Variants in PCK1 observed in about 807,000 individuals in gnomAD.
The protein encoded by PCK1 is phosphoenolpyruvate carboxykinase 1, also known as phosphoenolpyruvate carboxykinase, cytosolic [GTP].
PCK1 carries 44 observed loss-of-function variants against 50.3 expected under a neutral mutation model. The ratio of observed to expected loss-of-function variants is 0.87; its 90% confidence interval spans 0.69 to 1.12. The LOEUF (loss-of-function observed/expected upper bound fraction) is 1.12. PCK1 is among the 50% of genes most tolerant of loss of function. The pLI, the probability that PCK1 is intolerant of heterozygous loss-of-function variation, is 0.00. For missense variants in PCK1, 790 were observed against 815.0 expected (o/e 0.97, Z 0.37); for synonymous variants, 332 against 314.3 (o/e 1.06, Z -0.59).
Position 57,563,175 on chromosome 20 carries a change from G to A in PCK1, c.758G>A (p.Arg253Gln), listed in dbSNP as rs771938481. The change falls in exon 5 of 10, where the codon CGG becomes CAG. Residue 253 changes from arginine to glutamine, a missense_variant. Coordinates refer to ENST00000319441, the MANE Select transcript of PCK1 (RefSeq NM_002591.4). Reference sequence around the variant, plus strand: ...TGCTTTGCTCTCAGGATGGCCAGCCGGCTGGCCAAGGAGGAAGGGTGGCTG... The same window carrying A: ...TGCTTTGCTCTCAGGATGGCCAGCCAGCTGGCCAAGGAGGAAGGGTGGCTG... ...KKCFALRMAS[R>Q]LAKEEGWLAE... is the part of the protein sequence containing the mutation. The A allele has an allele frequency of 6.8e-6, 11 of 1,613,622 alleles. No homozygotes were observed. Among genetic ancestry groups the A allele is most frequent in the East Asian group, 4.5e-5 (2 of 44,876 alleles).
rs28359544 is a variant in PCK1 at position 57,563,122 on chromosome 20, C to T, written c.705C>T (p.Tyr235=). The part of the protein sequence containing the change: ...RREIISFGSG[Y]GGNSLLGKKC... ...AGATCATCTCCTTTGGCAGTGGGTA[C>T]GGCGGGAACTCGCTGCTCGGGAAGA... Residue 235 remains tyrosine (Y), a synonymous_variant, in exon 5 of 10, where the codon TAC becomes TAT. Coordinates refer to ENST00000319441, the MANE Select transcript of PCK1 (RefSeq NM_002591.4). 57,256 of 1,613,880 alleles carry T rather than the reference C, an allele frequency of 0.035. 1,239 individuals carry two copies. Among genetic ancestry groups the T allele is most frequent in the Non-Finnish European group, 0.042 (49,908 of 1,179,952 alleles).
At chr20:57,563,279 A>G in intron 5 of PCK1, 64 bp downstream of exon 5, 1 of 1,459,776 alleles carries the variant, frequency 6.9e-7, no homozygotes, top group Non-Finnish European at 9.5e-7. Flanking sequence ...AACAAACAGC[A>G]TTACAGTTCC....
intron 3 of PCK1, chr20:57,562,466 T>C: frequency 1.6e-6 from 1 of 624,792 alleles, no homozygotes; most frequent in Non-Finnish European, 2.8e-6. Flanking sequence ...TCCATGCATA[T>C]GGGTTTTAAA....
At chr20:57,563,420 T>C (rs2070171494) in intron 5 of PCK1, 145 bp from the exon 6 acceptor site, 1 of 695,574 alleles carries the variant, frequency 1.4e-6, no homozygotes, top group African/African-American at 1.8e-5. Context: ...AGAGATCCTT[T>C]GGACTTCATG....
At chr20:57,565,231 G>A in intron 9 of PCK1, 96 bp downstream of exon 9, 6 of 1,232,540 alleles carry the variant, frequency 4.9e-6, no homozygotes, top group Non-Finnish European at 5.9e-6. Context: ...CTGTGTGTGG[G>A]GAGAGAGAGA....
At position 57,565,458 on chromosome 20, in the gene PCK1, T is replaced by A. The variant is rs1309774756; in HGVS notation, c.1523T>A (p.Leu508Gln). 6.2e-7 allele frequency: 1 copy of A among 1,614,212 alleles called. No homozygotes were observed. The change falls in exon 10 of 10, where the codon CTG becomes CAG. Residue 508 changes from leucine to glutamine, a missense_variant. Transcript: ENST00000319441. ...ATGGCCCAGCACCCAGCAGCCAAAC[T>A]GCCCAAGATCTTCCATGTCAACTGG... ...LSMAQHPAAKLPKIFHVNWFR... is the reference protein window; with the variant it reads ...LSMAQHPAAKQPKIFHVNWFR...
chr20:57,563,172 G>A lies in PCK1; in HGVS notation c.755G>A (p.Ser252Asn). 3 of 1,613,752 alleles carry A rather than the reference G, an allele frequency of 1.9e-6. No homozygotes were observed. The highest frequency in any genetic ancestry group is 2.2e-5 in the South Asian group (2 of 91,090). The change falls in exon 5 of 10, where the codon AGC becomes AAC. Residue 252 changes from serine to asparagine, a missense_variant. Ser to Asn is a conservative substitution (Grantham distance 46). Coordinates refer to ENST00000319441, the MANE Select transcript of PCK1 (RefSeq NM_002591.4). The stretch of plus-strand genomic sequence containing the variant: ...AAGTGCTTTGCTCTCAGGATGGCCA[G>A]CCGGCTGGCCAAGGAGGAAGGGTGG... ...GKKCFALRMA[S>N]RLAKEEGWLA...
intron 1 of PCK1, 41 bp from the exon 2 acceptor site, chr20:57,561,331 G>A (rs888501007): frequency 8.2e-6 from 7 of 855,788 alleles, no homozygotes; most frequent in Non-Finnish European, 1.3e-5. Context: ...GAAGGTGTCT[G>A]TTGTTGTTTT....
rs932743999 is a variant in PCK1, at chr20:57,566,854, A to C, written c.*1050A>C. 7.9e-5 allele frequency: 12 copies of C among 152,220 alleles called. No homozygotes were observed. The highest frequency in any genetic ancestry group is 2.9e-4 in the African/African-American group (12 of 41,456). 9.4% of individuals were successfully genotyped at this position (152,220 alleles called of 1,614,324 possible). On this transcript the variant is annotated 3_prime_UTR_variant, in exon 10 of 10. Coordinates refer to ENST00000319441, the MANE Select transcript of PCK1 (RefSeq NM_002591.4). ...AGGATTTTGCCTTTTAACTCTTCAA[A>C]GCAACAGTTTTCTCAACTGTCATCC...
Position 57,565,981 on chromosome 20 carries a change from G to A in PCK1, c.*177G>A. The A allele has an allele frequency of 5.7e-6, 3 of 529,762 alleles. No homozygotes were observed. The highest frequency in any genetic ancestry group is 9.9e-6 in the Non-Finnish European group (3 of 303,928). 32.8% of individuals were successfully genotyped at this position (529,762 alleles called of 1,614,324 possible). ...TTAAGGATAAGAACCACAGAACACT[G>A]GGTAGTAGCTAATGAAATTGAGAAG... On this transcript the variant is annotated 3_prime_UTR_variant, in exon 10 of 10. Coordinates refer to ENST00000319441, the MANE Select transcript of PCK1 (RefSeq NM_002591.4).
intron 6 of PCK1, chr20:57,563,940 C>T: frequency 1.6e-6 from 1 of 611,908 alleles, no homozygotes; most frequent in South Asian, 2.1e-5. Context: ...TGTTTGTTTA[C>T]ATACATACAT....
intron 8 of PCK1, 182 bp downstream of exon 8, chr20:57,564,795 C>T (rs2070187488): frequency 1.6e-6 from 1 of 640,074 alleles, no homozygotes; most frequent in Non-Finnish European, 2.7e-6. Context: ...CTTCTGGTCA[C>T]CTGGAACCTT....
chr20:57,563,184 A>G lies in PCK1; in HGVS notation c.767A>G (p.Lys256Arg). The G allele has an allele frequency of 6.2e-7, 1 of 1,613,816 alleles. No individual in the cohort carries two copies. ...FALRMASRLA[K>R]EEGWLAEHML... Reference sequence around the variant, plus strand: ...CTCAGGATGGCCAGCCGGCTGGCCAAGGAGGAAGGGTGGCTGGCAGAGCAC... The same window carrying G: ...CTCAGGATGGCCAGCCGGCTGGCCAGGGAGGAAGGGTGGCTGGCAGAGCAC... Residue 256 changes from lysine (K) to arginine (R), a missense_variant, in exon 5 of 10, where the codon AAG becomes AGG. Coordinates refer to ENST00000319441, the MANE Select transcript of PCK1 (RefSeq NM_002591.4).
chr20:57,561,504 C>T lies in PCK1; in HGVS notation c.93C>T (p.Leu31=), dbSNP rs771247225. Reference sequence around the variant, plus strand: ...TACCCCAGGCAGTGAGGGAGTTTCTCGAGAATAACGCTGAGCTGTGTCAGC... The same window carrying T: ...TACCCCAGGCAGTGAGGGAGTTTCTTGAGAATAACGCTGAGCTGTGTCAGC... ...DSLPQAVREF[L]ENNAELCQPD... Residue 31 remains leucine (L), a synonymous_variant, in exon 2 of 10, where the codon CTC becomes CTT. Transcript: ENST00000319441. 19 of 1,613,620 alleles carry T rather than the reference C, an allele frequency of 1.2e-5. No individual in the cohort carries two copies. Among genetic ancestry groups the T allele is most frequent in the East Asian group, 6.7e-5 (3 of 44,872 alleles).
In PCK1 at chr20:57,562,834, A is replaced by G. The variant is rs1568908556; in HGVS notation, c.545A>G (p.Glu182Gly). 2 of 1,613,984 alleles carry G rather than the reference A, an allele frequency of 1.2e-6. No individual in the cohort carries two copies. Among genetic ancestry groups the G allele is most frequent in the East Asian group, 2.2e-5 (1 of 44,898 alleles). ...IMTRMGTPVLEAVGDGEFVKC... is the reference protein window; with the variant it reads ...IMTRMGTPVLGAVGDGEFVKC... Reference sequence around the variant, plus strand: ...ACGCGGATGGGCACGCCCGTCCTGGAAGCAGTGGGCGATGGGGAGTTTGTC... The same window carrying G: ...ACGCGGATGGGCACGCCCGTCCTGGGAGCAGTGGGCGATGGGGAGTTTGTC... Residue 182 changes from glutamate (E) to glycine (G), a missense_variant, in exon 4 of 10, where the codon GAA (glutamate) becomes GGA (glycine). By Grantham distance (98) the Glu-to-Gly change is moderately conservative. Transcript: ENST00000319441.
Position 57,561,654 on chromosome 20 carries a change from G to C in PCK1, c.224+19G>C. ...ACAACTGGTAAGCTCGGCCCCCGCT[G>C]CCTGTCCCAGCACCCTGCAGGCAGG... On this transcript the variant is annotated intron_variant, in intron 2 of 9. Transcript: ENST00000319441. 2 of 1,535,512 alleles carry C rather than the reference G, an allele frequency of 1.3e-6. No homozygotes were observed. The highest frequency in any genetic ancestry group is 1.8e-6 in the Non-Finnish European group (2 of 1,111,858).
At chr20:57,564,792 T>C in intron 8 of PCK1, 179 bp downstream of exon 8, 2 of 644,280 alleles carry the variant, frequency 3.1e-6, no homozygotes, top group South Asian at 4.0e-5. Context: ...ACCCTTCTGG[T>C]CACCTGGAAC....
chr20:57,562,116 C>T lies in PCK1; in HGVS notation c.270C>T (p.Ser90=), dbSNP rs1157893489. The T allele has an allele frequency of 6.2e-7, 1 of 1,614,178 alleles. No individual in the cohort carries two copies. Among genetic ancestry groups the T allele is most frequent in the Non-Finnish European group, 8.5e-7 (1 of 1,180,024 alleles). The change falls in exon 3 of 10, where the codon AGC becomes AGT. Residue 90 remains serine (S), a synonymous_variant. Coordinates refer to ENST00000319441, the MANE Select transcript of PCK1 (RefSeq NM_002591.4). ...CCAGGGATGTGGCCAGGATCGAAAGCAAGACGGTTATCGTCACCCAAGAGC... is the reference window on the plus strand; with the variant it reads ...CCAGGGATGTGGCCAGGATCGAAAGTAAGACGGTTATCGTCACCCAAGAGC... ...TDPRDVARIE[S]KTVIVTQEQR...
chr20:57,565,214 T>C (rs200313503), intron 9 of PCK1, 79 bp downstream of exon 9: 1 of 1,307,108 alleles, frequency 7.7e-7, no homozygotes, highest in Non-Finnish European at 1.1e-6. Flanking sequence ...TCTCTCCTTT[T>C]CTGTGTCTGT....
Sources: gnomAD v4.1 joint callset for allele counts on GRCh38, gnomAD v4.1.1 for gene constraint, MANE v1.5 for transcripts, NCBI Gene and HGNC (gene_info 2026-07-23, HGNC 2026-07-21) for gene names.